The following MSRA variants were observed in gnomAD, a reference collection of about 807,000 sequenced individuals.
MSRA encodes methionine sulfoxide reductase A.
A neutral mutation model predicts 31.3 loss-of-function variants in MSRA; 54 were observed. That is an observed-to-expected ratio of 1.73 (90% CI 1.39 to 2.17). MSRA has a LOEUF of 2.17. Among genes scored for constraint, MSRA ranks in the 30% most tolerant of loss-of-function variants. The pLI is 0.00. For missense variants in MSRA, 507 were observed against 300.9 expected, an observed-to-expected ratio of 1.69 and a Z score of -5.07; for synonymous variants, 169 against 116.5, an observed-to-expected ratio of 1.45 and a Z score of -2.90.
intron 3 of MSRA, among the ~76,000 whole-genome samples, chr8:10,273,004 A>C (rs1799127409): frequency 6.6e-6 from 1 of 152,238 alleles, no homozygotes; most frequent in Admixed American, 6.5e-5. Context: ...TGGTATAAGC[A>C]ATCATGAAGA....
chr8:10,095,945 A>T (rs1209689476), intron 1 of MSRA: 2 of 1,355,954 alleles, frequency 1.5e-6, no homozygotes, highest in Non-Finnish European at 1.9e-6. Context: ...ATTTCTAATT[A>T]GAGGGAATAT....
At chr8:10,077,448 T>G (rs1478873174) in intron 1 of MSRA, among the ~76,000 whole-genome samples, 2 of 151,920 alleles carry the variant, frequency 1.3e-5, no homozygotes, top group Non-Finnish European at 2.9e-5. Context: ...GTTTGTCATT[T>G]TATACATGGA....
chr8:10,264,531 G>T (rs1249233167), intron 3 of MSRA, among the ~76,000 whole-genome samples: 4 of 152,170 alleles, frequency 2.6e-5, no homozygotes, highest in Non-Finnish European at 2.9e-5. Flanking sequence ...AGCCAGTGCT[G>T]CCAGGCAAAG....
At chr8:10,257,577 T>C (rs760617228) in intron 3 of MSRA, among the ~76,000 whole-genome samples, 9 of 152,088 alleles carry the variant, frequency 5.9e-5, no homozygotes, top group Non-Finnish European at 8.8e-5. Flanking sequence ...CAAGTAGTTT[T>C]TTGTATTTTT....
chr8:10,341,005 C>G (rs1448761693), intron 5 of MSRA, among the ~76,000 whole-genome samples: 1 of 152,208 alleles, frequency 6.6e-6, no homozygotes, highest in Non-Finnish European at 1.5e-5. Context: ...TCCAACTGAT[C>G]AGATCCTTAA....
chr8:10,245,222 A>T lies in MSRA; in HGVS notation c.330A>T (p.Ser110=), dbSNP rs766525491. ...ATCCTACTTATAAAGAAGTCTGCTC[A>T]GGTAGGAAGAATTTGCTTTATTGTA... ...TSNPTYKEVC[S]EKTGHAEVVR... Residue 110 remains serine (S), a splice_region_variant and synonymous_variant, in exon 3 of 6, where the codon TCA becomes TCT. Coordinates refer to ENST00000317173, the MANE Select transcript of MSRA (RefSeq NM_012331.5). 15 of 1,612,546 alleles carry T rather than the reference A, an allele frequency of 9.3e-6. No individual in the cohort carries two copies. Among genetic ancestry groups the T allele is most frequent in the Non-Finnish European group, 1.2e-5 (14 of 1,179,364 alleles).
intron 4 of MSRA, 74 bp from the exon 5 acceptor site, chr8:10,319,809 A>C (rs1476495570): frequency 8.7e-6 from 7 of 800,250 alleles, no homozygotes; most frequent in Non-Finnish European, 1.3e-5. Context: ...AAAATGTCTC[A>C]GCATTGTGCC....
Position 10,072,484 on chromosome 8 carries a change from T to G in MSRA, c.142+17826T>G, listed in dbSNP as rs144187927. The stretch of plus-strand genomic sequence containing the variant: ...ATCTATGGGTCTCCCTCTGTGACAT[T>G]GTCATGCTGTCTTGGTTATGATGGT... On this transcript the variant is annotated intron_variant, in intron 1 of 5. Coordinates refer to ENST00000317173, the MANE Select transcript of MSRA (RefSeq NM_012331.5). Among the ~76,000 whole-genome samples the G allele has an allele frequency of 9.0e-4, 137 of 152,302 alleles. 1 individual carries two copies. The East Asian group carries it at 0.023, about 25-fold the overall frequency.
At chr8:10,169,909 C>CTTTTTTTTTTTT (rs1430496113) in intron 1 of MSRA, among the ~76,000 whole-genome samples, 1 of 125,016 alleles carries the variant, frequency 8.0e-6, no homozygotes. Flanking sequence ...TTGGTATTTT[C>CTTTTTTTTTTTT]TTTCTTTCTT....
At chr8:10,162,144 CAG>C (rs554369944) in intron 1 of MSRA, among the ~76,000 whole-genome samples, 38 of 152,256 alleles carry the variant, frequency 2.5e-4, no homozygotes, top group African/African-American at 8.9e-4. Context: ...GGGCCTGAGA[CAG>C]GGGAGTGGTC....
chr8:10,165,056 T>C (rs2129043881), intron 1 of MSRA, among the ~76,000 whole-genome samples: 1 of 152,232 alleles, frequency 6.6e-6, no homozygotes, highest in Non-Finnish European at 1.5e-5. Flanking sequence ...CTGGGCTGCA[T>C]CCTAGACCAA....
At chr8:10,348,533 C>A (rs1017386505) in intron 5 of MSRA, among the ~76,000 whole-genome samples, 1 of 151,810 alleles carries the variant, frequency 6.6e-6, no homozygotes, top group African/African-American at 2.4e-5. Flanking sequence ...CCATGCCCGG[C>A]TAATTTTTGT....
chr8:10,407,170 C>T (rs1389201841), intron 5 of MSRA, among the ~76,000 whole-genome samples: 1 of 152,222 alleles, frequency 6.6e-6, no homozygotes, highest in Non-Finnish European at 1.5e-5. Context: ...AGCCACCATG[C>T]CCAGCCTAGA....
At chr8:10,166,760 G>C (rs1457695540) in intron 1 of MSRA, among the ~76,000 whole-genome samples, 2 of 152,060 alleles carry the variant, frequency 1.3e-5, no homozygotes, top group African/African-American at 4.8e-5. Context: ...CTTGCTTGTT[G>C]GTGGTTTTGC....
intron 1 of MSRA, among the ~76,000 whole-genome samples, chr8:10,148,579 A>G (rs576342010): frequency 6.6e-6 from 1 of 152,054 alleles, no homozygotes; most frequent in African/African-American, 2.4e-5. Context: ...CCTGGGAGGC[A>G]GAGGTTGCAG....
intron 1 of MSRA, among the ~76,000 whole-genome samples, chr8:10,059,921 A>G (rs1802612364): frequency 1.3e-5 from 2 of 152,234 alleles, no homozygotes; most frequent in African/African-American, 4.8e-5. Context: ...ACCATTTTTC[A>G]TGTTTCAGAC....
intron 5 of MSRA, among the ~76,000 whole-genome samples, chr8:10,403,040 A>G (rs1383871349): frequency 6.6e-6 from 1 of 152,222 alleles, no homozygotes. Context: ...CACAAAAGCC[A>G]GGATGCTTGA....
chr8:10,215,773 AGCTAATCAGATGTG>A (rs1264592503), intron 2 of MSRA, among the ~76,000 whole-genome samples: 1 of 152,212 alleles, frequency 6.6e-6, no homozygotes, highest in East Asian at 1.9e-4. Context: ...TCAACTGTAA[AGCTAATCAGATGTG>A]GCTAATTTTT....
chr8:10,172,474 G>A (rs1003534966), intron 1 of MSRA, among the ~76,000 whole-genome samples: 4 of 152,182 alleles, frequency 2.6e-5, no homozygotes, highest in African/African-American at 9.7e-5. Flanking sequence ...CAAAGGGGAC[G>A]CAGGTTTCTA....
Sources: gnomAD v4.1 joint callset for allele counts (sites outside exome capture counted in the v4.1 genomes callset) on GRCh38, gnomAD v4.1.1 for gene constraint, MANE v1.5 for transcripts, NCBI Gene and HGNC (gene_info 2026-07-23, HGNC 2026-07-21) for gene names.